The following TNN variants were observed in gnomAD, a reference collection of about 807,000 sequenced individuals.
The protein encoded by TNN is tenascin-N.
A neutral mutation model predicts 134.4 loss-of-function variants in TNN; 122 were observed. The observed-to-expected ratio is 0.91, with a 90% confidence interval of 0.78 to 1.06. The LOEUF (loss-of-function observed/expected upper bound fraction) is 1.06, where lower values mean the gene tolerates loss of function less well. Ranked by LOEUF, TNN falls within the 50% of genes least tolerant of loss-of-function variation. The pLI, the probability that TNN is intolerant of heterozygous loss-of-function variation, is 0.00. For synonymous variants in TNN, 710 were observed against 670.3 expected (o/e 1.06, Z -0.91); for missense variants, 1,739 against 1,699.4 (o/e 1.02, Z -0.41).
At chr1:175,123,296 C>T in intron 11 of TNN, 104 bp from the exon 12 acceptor site, 1 of 1,330,168 alleles carries the variant, frequency 7.5e-7, no homozygotes, top group Non-Finnish European at 1.0e-6. Context: ...GGAATTCTAC[C>T]ATTATTAATG....
At chr1:175,146,430 A>G (rs1268794303) in intron 18 of TNN, among the ~76,000 whole-genome samples, 2 of 152,218 alleles carry the variant, frequency 1.3e-5, no homozygotes, top group African/African-American at 4.8e-5. Flanking sequence ...CAGTCAAAAG[A>G]AATAAAATGA....
chr1:175,125,303 A>G (rs1180142724), intron 12 of TNN, among the ~76,000 whole-genome samples: 1 of 152,232 alleles, frequency 6.6e-6, no homozygotes, highest in East Asian at 1.9e-4. Context: ...TATAAATTAA[A>G]ATAACCTTCT....
chr1:175,133,433 C>T (rs1465731056), intron 15 of TNN, among the ~76,000 whole-genome samples: 10 of 152,322 alleles, frequency 6.6e-5, no homozygotes, highest in Admixed American at 5.9e-4. Flanking sequence ...GATTTCTGTG[C>T]CACTAAATTC....
intron 9 of TNN, among the ~76,000 whole-genome samples, chr1:175,107,086 T>G (rs1674875628): frequency 6.8e-6 from 1 of 146,326 alleles, no homozygotes; most frequent in African/African-American, 2.5e-5. Context: ...TATGCGAAAG[T>G]CCCTTCGTGG....
chr1:175,068,972 A>C (rs1259272970), intron 1 of TNN, among the ~76,000 whole-genome samples: 1 of 152,230 alleles, frequency 6.6e-6, no homozygotes, highest in Admixed American at 6.5e-5. Flanking sequence ...CTTACTTTTT[A>C]CTTATTTATT....
Position 175,098,343 on chromosome 1 carries a change from C to T in TNN, c.1867C>T (p.Pro623Ser). The change falls in exon 9 of 19, where the codon CCC becomes TCC. Residue 623 changes from proline (P) to serine (S), a missense_variant. Physicochemically the swap from Pro to Ser is moderately conservative, Grantham distance 74. Transcript: ENST00000239462. ...CATTTTCCTTCCAGATATTGACAGCCCCAAAAACCTGGTGACTGACCGGGT... is the reference window on the plus strand; with the variant it reads ...CATTTTCCTTCCAGATATTGACAGCTCCAAAAACCTGGTGACTGACCGGGT... The part of the protein sequence containing the change: ...DTNAPTDIDS[P>S]KNLVTDRVTE... 1 of 1,614,148 alleles carries T rather than the reference C, an allele frequency of 6.2e-7. No individual in the cohort carries two copies. Among genetic ancestry groups the T allele is most frequent in the Middle Eastern group, 1.6e-4 (1 of 6,062 alleles).
intron 8 of TNN, 39 bp from the exon 9 acceptor site, chr1:175,098,293 G>T: frequency 1.2e-6 from 2 of 1,613,632 alleles, no homozygotes; most frequent in Non-Finnish European, 1.7e-6. Flanking sequence ...GTCTTCCATG[G>T]CTTCAGAGCT....
At chr1:175,096,662 GC>G (rs1157421456) in intron 7 of TNN, among the ~76,000 whole-genome samples, 1 of 152,178 alleles carries the variant, frequency 6.6e-6, no homozygotes, top group Non-Finnish European at 1.5e-5. Context: ...GGTATTTCAT[GC>G]CTCAAATGCC....
chr1:175,072,926 CTTTTTTTTTTT>C (rs60879960), intron 1 of TNN, among the ~76,000 whole-genome samples: 739 of 46,836 alleles, frequency 0.016, 14 homozygotes, highest in African/African-American at 0.068. Context: ...GAGTCCACGG[CTTTTTTTTTTT>C]TTTTTTTTTT....
At chr1:175,105,280 G>A (rs1015320840) in intron 9 of TNN, among the ~76,000 whole-genome samples, 2 of 145,962 alleles carry the variant, frequency 1.4e-5, no homozygotes, top group Non-Finnish European at 3.0e-5. Context: ...TTAAATCAGA[G>A]AGGGAGAAGG....
At chr1:175,146,795 TC>T in intron 18 of TNN, 135 bp from the exon 19 acceptor site, 19 of 826,424 alleles carry the variant, frequency 2.3e-5, no homozygotes, top group Non-Finnish European at 2.9e-5. Context: ...TCACCCCGTC[TC>T]TTTCTCTCTC....
intron 9 of TNN, among the ~76,000 whole-genome samples, chr1:175,106,980 T>C (rs1197574324): frequency 6.9e-6 from 1 of 145,912 alleles, no homozygotes; most frequent in Admixed American, 6.9e-5. Context: ...TAAAGAAAGA[T>C]AGGACAGAAT....
Position 175,127,022 on chromosome 1 carries a change from GC to G in TNN, c.2988del (p.Ser997LeufsTer9). 1 of 1,614,036 alleles carries G rather than the reference GC, an allele frequency of 6.2e-7. No individual in the cohort carries two copies. The highest frequency in any genetic ancestry group is 8.5e-7 in the Non-Finnish European group (1 of 1,179,982). On this transcript the variant is annotated frameshift_variant, in exon 13 of 19. Coordinates refer to ENST00000239462, the MANE Select transcript of TNN (RefSeq NM_022093.2). LOFTEE classifies it high-confidence loss of function. ...TQSGGILTWTPPSAQIHGYIL... is the reference protein window; with the variant it reads ...TQSGGILTWTXPSAQIHGYIL... ...AGTCTGGTGGCATATTGACCTGGAC[GC>G]CCCCCTCTGCTCAGATCCACGGCTA...
intron 4 of TNN, among the ~76,000 whole-genome samples, chr1:175,081,865 G>A (rs1674204412): frequency 2.6e-5 from 4 of 152,196 alleles, no homozygotes; most frequent in Non-Finnish European, 5.9e-5. Flanking sequence ...GAAGTGGGGA[G>A]AGCCTCTCCC....
At chr1:175,093,751 T>G (rs767465487) in intron 6 of TNN, among the ~76,000 whole-genome samples, 1 of 152,214 alleles carries the variant, frequency 6.6e-6, no homozygotes, top group Non-Finnish European at 1.5e-5. Context: ...TTCTCTAATA[T>G]GTTCAGTAGT....
chr1:175,114,239 A>C (rs1675107668), intron 9 of TNN, among the ~76,000 whole-genome samples: 1 of 152,144 alleles, frequency 6.6e-6, no homozygotes, highest in African/African-American at 2.4e-5. Flanking sequence ...GTTGAATTTT[A>C]ATGTGCCAGT....
At chr1:175,125,741 CTTTCTTTCTT>C (rs1675503744) in intron 12 of TNN, among the ~76,000 whole-genome samples, 1 of 131,516 alleles carries the variant, frequency 7.6e-6, no homozygotes, top group African/African-American at 3.0e-5. Context: ...TTCTTTCTTT[CTTTCTTTCTT>C]TCTTTCTCTC....
Position 175,125,737 on chromosome 1 carries a change from CTTTCT to C in TNN, c.2915-1215_2915-1211del, listed in dbSNP as rs1558369406. Among the ~76,000 whole-genome samples, 13 of 130,916 alleles carry C rather than the reference CTTTCT, an allele frequency of 9.9e-5. No homozygotes were observed. In the Admixed American group the frequency reaches 1.1e-3, roughly 11 times the overall value. The allele number at this position is 130,916 out of a possible 152,430, so 85.9% of individuals were successfully genotyped here. On this transcript the variant is annotated intron_variant, in intron 12 of 18. Transcript: ENST00000239462. ...TCTTTCTTTCTTTCTTTCTTTCTTTCTTTCTTTCTTTCTTTCTTTCTCTCTCTCTC... is the reference window on the plus strand; with the variant it reads ...TCTTTCTTTCTTTCTTTCTTTCTTTCTTCTTTCTTTCTTTCTCTCTCTCTC...
At chr1:175,132,999 G>A (rs1396594684) in intron 15 of TNN, among the ~76,000 whole-genome samples, 2 of 152,254 alleles carry the variant, frequency 1.3e-5, no homozygotes, top group African/African-American at 2.4e-5. Flanking sequence ...CTAGTGGAAA[G>A]GAGGGAGATT....
Sources: allele counts gnomAD v4.1 joint callset (sites outside exome capture counted in the v4.1 genomes callset), GRCh38; gene constraint gnomAD v4.1.1; transcripts MANE v1.5; gene names NCBI Gene and HGNC (gene_info 2026-07-23, HGNC 2026-07-21).